Variants in NEK6 observed in about 807,000 individuals in gnomAD.
NEK6 encodes NIMA related kinase 6.
NEK6 carries 27 observed loss-of-function variants against 43.5 expected under a neutral mutation model. That is an observed-to-expected ratio of 0.62 (90% CI 0.46 to 0.86). The LOEUF (loss-of-function observed/expected upper bound fraction) is 0.86, where lower values mean the gene tolerates loss of function less well. Ranked by LOEUF, NEK6 falls within the 40% of genes least tolerant of loss-of-function variation. NEK6 has a pLI of 0.00. For synonymous variants in NEK6, 167 were observed against 164.1 expected (o/e 1.02, Z -0.14); for missense variants, 318 against 414.4 (o/e 0.77, Z 2.02).
chr9:124,326,494 TC>T lies in NEK6; in HGVS notation c.514+58del. ...GCCACCTGGAGCCCAGGAAGACACT[TC>T]CTCATGGCTCCTCCAGGGTCCTCAG... On this transcript the variant is annotated intron_variant, in intron 6 of 9. Coordinates refer to ENST00000320246, the MANE Select transcript of NEK6 (RefSeq NM_014397.6). This position sits in a 1 kb window ranked among gnomAD's most constrained non-coding sequence, Gnocchi z 4.5. 1.6e-6 allele frequency: 2 copies of T among 1,259,332 alleles called. No homozygotes were observed. The highest frequency in any genetic ancestry group is 1.2e-5 in the South Asian group (1 of 84,060). 78.0% of individuals were successfully genotyped at this position (1,259,332 alleles called of 1,614,324 possible).
In NEK6 at chr9:124,350,980, A is replaced by C; in HGVS notation, c.*33A>C. 6.6e-7 allele frequency: 1 copy of C among 1,505,546 alleles called. No homozygotes were observed. The highest frequency in any genetic ancestry group is 9.2e-7 in the Non-Finnish European group (1 of 1,091,280). The allele number at this position is 1,505,546 out of a possible 1,614,324, so 93.3% of individuals were successfully genotyped here. A position where few individuals can be genotyped will look rare whatever the true frequency, so the allele number is the denominator to read the frequency against. On this transcript the variant is annotated 3_prime_UTR_variant, in exon 10 of 10. Transcript: ENST00000320246. ...TGCACCGTGCCTTATCAAAGCCAGC[A>C]CCACTTTGCCTTACTTGAGTCGTCT...
At chr9:124,299,430 C>G (rs1271546474) in intron 1 of NEK6, among the ~76,000 whole-genome samples, 1 of 152,208 alleles carries the variant, frequency 6.6e-6, no homozygotes, top group East Asian at 1.9e-4. Flanking sequence ...CTCATATTCC[C>G]CCTAACAAAG....
chr9:124,322,651 A>T (rs1275913199), intron 5 of NEK6, among the ~76,000 whole-genome samples: 1 of 152,166 alleles, frequency 6.6e-6, no homozygotes, highest in Non-Finnish European at 1.5e-5. Context: ...CTCTGTCCCC[A>T]GGGCCCTGCT....
At chr9:124,288,248 A>G (rs890232787) in intron 1 of NEK6, among the ~76,000 whole-genome samples, 1 of 152,236 alleles carries the variant, frequency 6.6e-6, no homozygotes, top group Non-Finnish European at 1.5e-5. Context: ...CAGGAATCAT[A>G]ACAGTGGCAG....
chr9:124,261,438 T>C, intron 1 of NEK6: 1 of 985,462 alleles, frequency 1.0e-6, no homozygotes, highest in Non-Finnish European at 1.2e-6. Flanking sequence ...TCATCCAAGA[T>C]TAAATACGGG....
At chr9:124,333,036 G>A (rs1564654987) in intron 7 of NEK6, among the ~76,000 whole-genome samples, 3 of 152,188 alleles carry the variant, frequency 2.0e-5, no homozygotes, top group Non-Finnish European at 4.4e-5. Context: ...TGCACACAGA[G>A]GTCGTCCTGG....
intron 7 of NEK6, among the ~76,000 whole-genome samples, chr9:124,331,772 G>C (rs559480375): frequency 6.6e-6 from 1 of 152,308 alleles, no homozygotes; most frequent in South Asian, 2.1e-4. Flanking sequence ...TTTGCTGAGT[G>C]GATGGACGAC....
intron 7 of NEK6, among the ~76,000 whole-genome samples, chr9:124,328,269 C>T (rs910330766): frequency 3.3e-5 from 5 of 152,110 alleles, no homozygotes; most frequent in African/African-American, 4.8e-5. Flanking sequence ...AGAAAGCCCC[C>T]GCTTCCCCAC....
intron 9 of NEK6, among the ~76,000 whole-genome samples, chr9:124,349,995 G>A (rs1364790735): frequency 1.3e-5 from 2 of 152,200 alleles, no homozygotes; most frequent in Admixed American, 6.5e-5. Context: ...ACGGGCCTGC[G>A]CAGCAGTAGC....
Position 124,353,223 on chromosome 9 carries a change from C to T in NEK6, c.*2276C>T, listed in dbSNP as rs1387627805. 9.2e-6 allele frequency: 2 copies of T among 218,232 alleles called. No individual in the cohort carries two copies. Among genetic ancestry groups the T allele is most frequent in the Non-Finnish European group, 1.8e-5 (2 of 111,612 alleles). 13.5% of individuals were successfully genotyped at this position (218,232 alleles called of 1,614,324 possible). On this transcript the variant is annotated 3_prime_UTR_variant, in exon 10 of 10. Transcript: ENST00000320246. Reference sequence around the variant, plus strand: ...TTCAAAACCAAACCAAACCTGAGGCCACCCCAAACAAATTCAGCCAGCAAA... The same window carrying T: ...TTCAAAACCAAACCAAACCTGAGGCTACCCCAAACAAATTCAGCCAGCAAA...
At chr9:124,278,022 G>C (rs1213695886) in intron 1 of NEK6, among the ~76,000 whole-genome samples, 2 of 152,220 alleles carry the variant, frequency 1.3e-5, no homozygotes, top group African/African-American at 4.8e-5. Flanking sequence ...AGGACACTTT[G>C]GTCAACAGCA....
chr9:124,341,704 G>A (rs1329909470), intron 8 of NEK6, among the ~76,000 whole-genome samples: 3 of 152,158 alleles, frequency 2.0e-5, no homozygotes, highest in Non-Finnish European at 4.4e-5. Context: ...CTCCTGGGTG[G>A]GTTGGGGCGG....
chr9:124,285,399 C>T (rs1832108369), intron 1 of NEK6, among the ~76,000 whole-genome samples: 1 of 152,194 alleles, frequency 6.6e-6, no homozygotes, highest in Non-Finnish European at 1.5e-5. Flanking sequence ...GGCCGACCTG[C>T]ATGTAAAACT....
chr9:124,280,761 A>G (rs1426326824), intron 1 of NEK6, among the ~76,000 whole-genome samples: 1 of 152,170 alleles, frequency 6.6e-6, no homozygotes, highest in Non-Finnish European at 1.5e-5. Context: ...CACATTGTGT[A>G]TAATTTCACG....
chr9:124,262,239 G>A (rs1470460056), intron 1 of NEK6, among the ~76,000 whole-genome samples: 1 of 152,218 alleles, frequency 6.6e-6, no homozygotes, highest in African/African-American at 2.4e-5. Context: ...AAAAAAATCA[G>A]GCCAGCACTT....
chr9:124,274,773 T>A (rs1260686756), intron 1 of NEK6, among the ~76,000 whole-genome samples: 1 of 151,974 alleles, frequency 6.6e-6, no homozygotes, highest in African/African-American at 2.4e-5. Context: ...GGGAGGGAGG[T>A]TGGGAGCTGA....
chr9:124,262,469 C>T (rs908633790), intron 1 of NEK6, among the ~76,000 whole-genome samples: 6 of 152,208 alleles, frequency 3.9e-5, no homozygotes, highest in Non-Finnish European at 8.8e-5. Flanking sequence ...GGAAACAGAC[C>T]CCCACATACA....
chr9:124,341,876 T>A (rs188139927), intron 8 of NEK6, among the ~76,000 whole-genome samples: 2 of 152,294 alleles, frequency 1.3e-5, no homozygotes, highest in East Asian at 1.9e-4. Flanking sequence ...CCTGTGTGCC[T>A]GCACATTCCG....
chr9:124,339,631 C>A lies in NEK6; in HGVS notation c.683C>A (p.Ser228Tyr). The change falls in exon 8 of 10, where the codon TCC becomes TAC. Residue 228 changes from serine to tyrosine, a missense_variant. By Grantham distance (144) the Ser-to-Tyr change is moderately radical. This residue lies in a region of NEK6 where 239 missense variants were observed against 344.4 expected (regional missense o/e 0.69). Transcript: ENST00000320246. ...RIHENGYNFKSDIWSLGCLLY... is the reference protein window; with the variant it reads ...RIHENGYNFKYDIWSLGCLLY... ...CATGAGAACGGCTACAACTTCAAGT[C>A]CGACATCTGGTCCCTGGGCTGTCTG... 1.9e-6 allele frequency: 3 copies of A among 1,614,094 alleles called. No homozygotes were observed. The highest frequency in any genetic ancestry group is 2.5e-6 in the Non-Finnish European group (3 of 1,179,942).
Sources: gnomAD v4.1 joint callset for allele counts (sites outside exome capture counted in the v4.1 genomes callset) on GRCh38, gnomAD v4.1.1 for gene constraint, gnomAD v4.1.1 regional missense constraint, Gnocchi (gnomAD v3.1) non-coding constraint, MANE v1.5 for transcripts, NCBI Gene and HGNC (gene_info 2026-07-23, HGNC 2026-07-21) for gene names.